ZNF410: variants seen among roughly 807,000 people sequenced by gnomAD.
The protein encoded by ZNF410 is another partner for ARF 1.
ZNF410 carries 18 observed loss-of-function variants against 54.8 expected under a neutral mutation model. The ratio of observed to expected loss-of-function variants is 0.33; its 90% CI spans 0.23 to 0.49. The LOEUF is 0.49. ZNF410 is among the 20% of genes least tolerant of loss of function. The pLI is 0.99. For missense variants in ZNF410, 405 were observed against 569.6 expected (o/e 0.71, Z 2.94); for synonymous variants, 191 against 207.3 (o/e 0.92, Z 0.68).
At chr14:73,906,367 C>T (rs1311247288) in intron 7 of ZNF410, 1 of 152,050 alleles carries the variant, frequency 6.6e-6, no homozygotes, top group Non-Finnish European at 1.5e-5. Flanking sequence ...TAAAACAAGG[C>T]ACTTGATCTG....
rs185290640 is a variant in ZNF410, at chr14:73,891,275, G to A, written c.-149-752G>A. 6.6e-5 allele frequency among the ~76,000 whole-genome samples: 10 copies of A among 152,172 alleles called. 1 individual carries two copies. Among genetic ancestry groups the A allele is most frequent in the Admixed American group, 5.9e-4 (9 of 15,276 alleles). ...CTTATTATAACTAGTTTTAATAATA[G>A]CAAGTATATAATTTTGTATTTTATT... On this transcript the variant is annotated intron_variant, in intron 1 of 11. Coordinates refer to ENST00000555044, the MANE Select transcript of ZNF410 (RefSeq NM_021188.3).
chr14:73,909,615 G>GGA (rs2055546943), intron 8 of ZNF410, 185 bp downstream of exon 8: 1 of 472,408 alleles, frequency 2.1e-6, no homozygotes, highest in Non-Finnish European at 3.8e-6. Flanking sequence ...GTTGGGGGGG[G>GGA]GACATCTAAT....
At chr14:73,900,055 C>T (rs1275022400) in intron 5 of ZNF410, among the ~76,000 whole-genome samples, 4 of 151,522 alleles carry the variant, frequency 2.6e-5, no homozygotes, top group Non-Finnish European at 5.9e-5. Context: ...ATTAGCTGGG[C>T]GTGGTGGCGC....
At chr14:73,887,787 T>C (rs1364814031) in intron 1 of ZNF410, among the ~76,000 whole-genome samples, 21 of 152,252 alleles carry the variant, frequency 1.4e-4, no homozygotes, top group Admixed American at 1.4e-3. Context: ...TTTTAAGTTC[T>C]AGTTTTTTAC....
intron 8 of ZNF410, 155 bp from the exon 9 acceptor site, chr14:73,920,825 T>TA: frequency 1.1e-6 from 1 of 871,506 alleles, no homozygotes; most frequent in Non-Finnish European, 1.8e-6. Flanking sequence ...CCTTCCCCCA[T>TA]ATACTGAAGT....
intron 2 of ZNF410, 55 bp downstream of exon 2, chr14:73,892,263 A>G: frequency 5.0e-6 from 8 of 1,598,794 alleles, no homozygotes; most frequent in African/African-American, 1.3e-5. Context: ...TTCAAAGTTT[A>G]TCTTCAGTTT....
intron 1 of ZNF410, 130 bp from the exon 2 acceptor site, chr14:73,891,897 T>G (rs927541997): frequency 6.7e-6 from 4 of 597,266 alleles, no homozygotes; most frequent in African/African-American, 1.9e-5. Flanking sequence ...TTAAAAGAAG[T>G]GTTTCGGTTT....
chr14:73,923,366 C>A, intron 10 of ZNF410, 29 bp from the exon 11 acceptor site: 1 of 1,605,878 alleles, frequency 6.2e-7, no homozygotes, highest in South Asian at 1.1e-5. Flanking sequence ...ATTCACTTTT[C>A]ATTGAAACAT....
chr14:73,931,936 T>C lies in ZNF410; in HGVS notation c.*395T>C. ...TTCACATGGATGAAATAATTCCTGCTACCAACAACAGAGCTTCACCAGGAA... is the reference window on the plus strand; with the variant it reads ...TTCACATGGATGAAATAATTCCTGCCACCAACAACAGAGCTTCACCAGGAA... On this transcript the variant is annotated 3_prime_UTR_variant, in exon 12 of 12. Transcript: ENST00000555044. 2.2e-6 allele frequency: 1 copy of C among 457,178 alleles called. No homozygotes were observed. The highest frequency in any genetic ancestry group is 1.6e-5 in the South Asian group (1 of 64,422). The allele number at this position is 457,178 out of a possible 1,614,324, so 28.3% of individuals were successfully genotyped here.
At chr14:73,909,616 G>GGGA (rs56842982) in intron 8 of ZNF410, 186 bp downstream of exon 8, 1 of 461,642 alleles carries the variant, frequency 2.2e-6, no homozygotes, top group East Asian at 3.4e-5. Flanking sequence ...TTGGGGGGGG[G>GGGA]ACATCTAATT....
chr14:73,891,663 A>G (rs1045080926), intron 1 of ZNF410, among the ~76,000 whole-genome samples: 1 of 152,160 alleles, frequency 6.6e-6, no homozygotes, highest in African/African-American at 2.4e-5. Flanking sequence ...CCTTCACAGC[A>G]TATTTTGAAG....
chr14:73,916,194 T>C (rs1241849167), intron 8 of ZNF410: 1 of 152,178 alleles, frequency 6.6e-6, no homozygotes, highest in Non-Finnish European at 1.5e-5. Flanking sequence ...GGAGTCTGGA[T>C]GTTCATGAGC....
intron 5 of ZNF410, among the ~76,000 whole-genome samples, chr14:73,903,006 G>A (rs2055430772): frequency 6.6e-6 from 1 of 152,170 alleles, no homozygotes; most frequent in South Asian, 2.1e-4. Context: ...TTGGAAGGTG[G>A]TTCTTAGTTT....
chr14:73,896,533 A>G lies in ZNF410; in HGVS notation c.387A>G (p.Ala129=). ...TTATTCTTCTTAACCTAACAAGAGC[A>G]GGTATTCTTTCCTTTTTTTTGGGCT... ...TSFILLNLTR[A]GLGSSAEHLV... is the part of the protein sequence containing the mutation. Residue 129 remains alanine (A), a splice_region_variant and synonymous_variant, in exon 4 of 12, where the codon GCA becomes GCG. Transcript: ENST00000555044. The G allele has an allele frequency of 6.2e-7, 1 of 1,613,202 alleles. No homozygotes were observed. The highest frequency in any genetic ancestry group is 8.5e-7 in the Non-Finnish European group (1 of 1,179,778).
chr14:73,919,536 G>A (rs2055723636), intron 8 of ZNF410, among the ~76,000 whole-genome samples: 1 of 152,138 alleles, frequency 6.6e-6, no homozygotes, highest in South Asian at 2.1e-4. Flanking sequence ...TGAGAACATG[G>A]TGTTTGATTT....
At chr14:73,902,486 G>A (rs1027014018) in intron 5 of ZNF410, among the ~76,000 whole-genome samples, 1 of 152,132 alleles carries the variant, frequency 6.6e-6, no homozygotes, top group Non-Finnish European at 1.5e-5. Flanking sequence ...GGAGCAATTA[G>A]TTTTATGACT....
intron 8 of ZNF410, 43 bp downstream of exon 8, chr14:73,909,473 CA>C (rs1476617929): frequency 6.5e-7 from 1 of 1,543,570 alleles, no homozygotes; most frequent in East Asian, 2.3e-5. Flanking sequence ...GAAAAGTAGA[CA>C]AAAGAATAAA....
intron 3 of ZNF410, chr14:73,895,245 T>A (rs2055298084): frequency 6.6e-6 from 1 of 152,220 alleles, no homozygotes; most frequent in Non-Finnish European, 1.5e-5. Flanking sequence ...AGAATGACTG[T>A]TATCTTAAAG....
chr14:73,915,783 TGAG>T (rs2055655693), intron 8 of ZNF410: 1 of 152,222 alleles, frequency 6.6e-6, no homozygotes, highest in African/African-American at 2.4e-5. Context: ...GTGTGTCTGT[TGAG>T]ATGATCTTGT....
Sources: allele counts gnomAD v4.1 joint callset (sites outside exome capture counted in the v4.1 genomes callset), GRCh38; gene constraint gnomAD v4.1.1; transcripts MANE v1.5; gene names NCBI Gene and HGNC (gene_info 2026-07-23, HGNC 2026-07-21).